Variants in FCGR3B observed in about 807,000 individuals in gnomAD.
FCGR3B encodes the protein low affinity immunoglobulin gamma Fc region receptor III-B.
In FCGR3B, 20 loss-of-function variants were observed where a neutral mutation model predicts 26.7. That is an observed-to-expected ratio of 0.75 (90% CI 0.53 to 1.09). The LOEUF (loss-of-function observed/expected upper bound fraction) is 1.09, where lower values mean the gene tolerates loss of function less well. FCGR3B is among the 50% of genes least tolerant of loss of function. The pLI, the probability that FCGR3B is intolerant of heterozygous loss-of-function variation, is 0.00. For missense variants in FCGR3B, 191 were observed against 279.7 expected (o/e 0.68, Z 2.26); for synonymous variants, 79 against 107.0 (o/e 0.74, Z 1.62).
chr1:161,624,615 G>C lies in FCGR3B; in HGVS notation c.602C>G (p.Ser201Ter). Residue 201 changes from serine to a stop codon, truncating the protein, a stop_gained, in exon 5 of 5, where the codon TCA becomes TGA. Coordinates refer to ENST00000650385, the MANE Select transcript of FCGR3B (RefSeq NM_001244753.2). LOFTEE classifies it high-confidence loss of function. ...GACTTGGTACCCAGGTGGAGAGAAT[G>C]ATGAGATGGTTGACACTGCCAAACC... ...TQGLAVSTIS[S>*]FSPPGYQVSF... 1 of 1,606,468 alleles carries C rather than the reference G, an allele frequency of 6.2e-7. No homozygotes were observed. The highest frequency in any genetic ancestry group is 8.5e-7 in the Non-Finnish European group (1 of 1,176,602).
rs750006226 is a variant in FCGR3B at position 161,626,167 on chromosome 1, A to T, written c.555T>A (p.Thr185=). The change falls in exon 4 of 5, where the codon ACT becomes ACA. Residue 185 remains threonine (T), a synonymous_variant. Transcript: ENST00000650385. ...CACCTTGAGTGATGGTGATGTTCAC[A>T]GTCTCTGAAGACACATTTTTACTCC... ...LVGSKNVSSE[T]VNITITQGLA... 6.2e-7 allele frequency: 1 copy of T among 1,609,520 alleles called. No homozygotes were observed. Among genetic ancestry groups the T allele is most frequent in the African/African-American group, 1.4e-5 (1 of 73,544 alleles).
In FCGR3B at chr1:161,623,758, T is replaced by C. The variant is rs1327534543; in HGVS notation, c.*757A>G. 1.3e-4 allele frequency: 16 copies of C among 126,456 alleles called. 1 individual carries two copies. Among genetic ancestry groups the C allele is most frequent in the African/African-American group, 4.8e-4 (16 of 33,132 alleles). The allele number at this position is 126,456 out of a possible 1,614,324, so 7.8% of individuals were successfully genotyped here. ...ATCCTCAGTCCCCTTCCTAGGACCATTTTCTACTCCTAGCATTAGAGGACT... is the reference window on the plus strand; with the variant it reads ...ATCCTCAGTCCCCTTCCTAGGACCACTTTCTACTCCTAGCATTAGAGGACT... On this transcript the variant is annotated 3_prime_UTR_variant, in exon 5 of 5. Transcript: ENST00000650385.
intron 1 of FCGR3B, 131 bp from the exon 2 acceptor site, chr1:161,630,519 T>G: frequency 2.5e-6 from 2 of 800,988 alleles, no homozygotes; most frequent in South Asian, 3.1e-5. Flanking sequence ...ATCAGGATGT[T>G]TCTGGTGGAA....
intron 4 of FCGR3B, among the ~76,000 whole-genome samples, chr1:161,625,156 C>T (rs1409592192): frequency 7.6e-6 from 1 of 131,162 alleles, no homozygotes; most frequent in Non-Finnish European, 1.7e-5. Flanking sequence ...GGAGTATTTA[C>T]TTTCAGTTTA....
chr1:161,625,323 A>G (rs1415897994), intron 4 of FCGR3B, among the ~76,000 whole-genome samples: 1 of 137,734 alleles, frequency 7.3e-6, no homozygotes, highest in Non-Finnish European at 1.6e-5. Context: ...CAGGCACACC[A>G]CTCTAGAGCT....
intron 4 of FCGR3B, 134 bp downstream of exon 4, chr1:161,626,011 G>A: frequency 2.0e-6 from 2 of 1,012,116 alleles, no homozygotes; most frequent in South Asian, 1.6e-5. Context: ...ACCTCCTGGT[G>A]ATCACCAGGA....
rs184779732 is a variant in FCGR3B at position 161,627,553 on chromosome 1, A to T, written c.320-1151T>A. Among the ~76,000 whole-genome samples, 19 of 150,730 alleles carry T rather than the reference A, an allele frequency of 1.3e-4. 1 individual carries two copies. In the East Asian group the frequency reaches 3.5e-3, roughly 28 times the overall value. On this transcript the variant is annotated intron_variant, in intron 3 of 4. Transcript: ENST00000650385. The stretch of plus-strand genomic sequence containing the variant: ...TAACACAAAGATTTGCCAAACAGAA[A>T]GTAATCTTCATTACCTATTAAGAGA...
At position 161,630,395 on chromosome 1, in the gene FCGR3B, G is replaced by C. The variant is rs1277712565; in HGVS notation, c.41-7C>G. On this transcript the variant is annotated splice_polypyrimidine_tract_variant and splice_region_variant and intron_variant, in intron 1 of 4. Transcript: ENST00000650385. ...GTCCGCATGCCAGCTGAAACTGCAA[G>C]AAAAAAGAGTAAATCAAATATTGAG... The C allele has an allele frequency of 5.6e-6, 9 of 1,605,696 alleles. No homozygotes were observed. In the South Asian group the frequency reaches 1.0e-4, roughly 18 times the overall value.
At chr1:161,631,558 C>T (rs969072786), upstream of FCGR3B, 18 of 407,280 alleles carry the variant, frequency 4.4e-5, no homozygotes, top group Admixed American at 1.2e-4. Flanking sequence ...TCTCCTGCCT[C>T]GTCCAGACCC....
intron 3 of FCGR3B, among the ~76,000 whole-genome samples, chr1:161,627,973 G>C (rs1265728362): frequency 1.3e-5 from 2 of 150,228 alleles, no homozygotes; most frequent in African/African-American, 5.0e-5. Flanking sequence ...AATTCTGCCT[G>C]AAAGAAGTAA....
At chr1:161,630,138 A>G in intron 2 of FCGR3B, 103 bp from the exon 3 acceptor site, 2 of 1,097,848 alleles carry the variant, frequency 1.8e-6, no homozygotes, top group South Asian at 1.5e-5. Context: ...TTGCAAACCC[A>G]TGCTTGGTGG....
At chr1:161,624,679 A>G (rs752644223) in intron 4 of FCGR3B, 40 bp from the exon 5 acceptor site, 3 of 1,559,218 alleles carry the variant, frequency 1.9e-6, no homozygotes, top group Admixed American at 1.8e-5. Flanking sequence ...AATGACAGTC[A>G]CTAAGGCAGA....
In FCGR3B at chr1:161,631,176, C is replaced by T; in HGVS notation, c.-82G>A. Reference sequence around the variant, plus strand: ...AGCCGACTAGACAGGAGGGAGTAAACAGCCTTTCCCCAGTCCCTCCACCCA... The same window carrying T: ...AGCCGACTAGACAGGAGGGAGTAAATAGCCTTTCCCCAGTCCCTCCACCCA... On this transcript the variant is annotated 5_prime_UTR_variant, in exon 1 of 5. Transcript: ENST00000650385. 6.2e-7 allele frequency: 1 copy of T among 1,606,000 alleles called. No individual in the cohort carries two copies. The highest frequency in any genetic ancestry group is 1.4e-5 in the African/African-American group (1 of 73,314).
At position 161,630,979 on chromosome 1, in the gene FCGR3B, C is replaced by A. The variant is rs375192836; in HGVS notation, c.40+76G>T. Reference sequence around the variant, plus strand: ...CCCATCCCTTTGTGGGAGTCTCATTCGTAGCCTGAAAAGGGGTGTCTGATG... The same window carrying A: ...CCCATCCCTTTGTGGGAGTCTCATTAGTAGCCTGAAAAGGGGTGTCTGATG... On this transcript the variant is annotated intron_variant, in intron 1 of 4. Coordinates refer to ENST00000650385, the MANE Select transcript of FCGR3B (RefSeq NM_001244753.2). 1.7e-3 allele frequency: 2,570 copies of A among 1,515,048 alleles called. 97 individuals carry two copies. The highest frequency in any genetic ancestry group is 1.9e-3 in the South Asian group (146 of 75,298). The allele number at this position is 1,515,048 out of a possible 1,614,324, so 93.9% of individuals were successfully genotyped here. A position where few individuals can be genotyped will look rare whatever the true frequency, so the allele number is the denominator to read the frequency against.
chr1:161,630,298 C>T lies in FCGR3B; in HGVS notation c.61+70G>A, dbSNP rs1252409876. The T allele has an allele frequency of 4.7e-6, 7 of 1,502,160 alleles. 1 individual carries two copies. The Admixed American group carries it at 5.1e-5, about 11-fold the overall frequency. 93.1% of individuals were successfully genotyped at this position (1,502,160 alleles called of 1,614,324 possible). A position where few individuals can be genotyped will look rare whatever the true frequency, so the allele number is the denominator to read the frequency against. On this transcript the variant is annotated intron_variant, in intron 2 of 4. Transcript: ENST00000650385. ...CATTTTCCCATTCAACAAGCATTTC[C>T]CAATATCTTATGGCCATTGTCCCCA...
chr1:161,626,960 G>T (rs549149483), intron 3 of FCGR3B, among the ~76,000 whole-genome samples: 1 of 150,136 alleles, frequency 6.7e-6, no homozygotes, highest in South Asian at 2.1e-4. Flanking sequence ...CGAAGGGCGG[G>T]ACTGGTAGTG....
At chr1:161,631,194 T>A (rs765750226), upstream of FCGR3B, 2 of 1,594,784 alleles carry the variant, frequency 1.3e-6, no homozygotes, top group Non-Finnish European at 1.7e-6. Flanking sequence ...CCCCAGTCCC[T>A]CCACCCATCT....
intron 2 of FCGR3B, 82 bp from the exon 3 acceptor site, chr1:161,630,117 G>A (rs1196222694): frequency 8.1e-7 from 1 of 1,240,932 alleles, no homozygotes; most frequent in African/African-American, 1.9e-5. Flanking sequence ...CTCAAAGCCA[G>A]AATGAGCTCA....
upstream of FCGR3B, chr1:161,631,382 G>A (rs1679744837): frequency 1.5e-6 from 1 of 646,812 alleles, no homozygotes; most frequent in Non-Finnish European, 2.6e-6. Flanking sequence ...GACACACACA[G>A]AATCTGCCAG....
Sources: gnomAD v4.1 joint callset for allele counts (sites outside exome capture counted in the v4.1 genomes callset) on GRCh38, gnomAD v4.1.1 for gene constraint, MANE v1.5 for transcripts, NCBI Gene and HGNC (gene_info 2026-07-23, HGNC 2026-07-21) for gene names.